The following FAT1 variants were observed in gnomAD, a reference collection of about 807,000 sequenced individuals.
FAT1 encodes protocadherin Fat 1.
FAT1 carries 171 observed loss-of-function variants against 329.8 expected under a neutral mutation model. The ratio of observed to expected loss-of-function variants is 0.52; its 90% CI spans 0.46 to 0.59. FAT1 has a LOEUF of 0.59. Ranked by LOEUF, FAT1 falls within the 20% of genes least tolerant of loss-of-function variation. FAT1 has a pLI of 0.00. For missense variants in FAT1, 5,672 were observed against 5,774.4 expected, an observed-to-expected ratio of 0.98 and a Z score of 0.57; for synonymous variants, 2,233 against 2,228.6, an observed-to-expected ratio of 1.00 and a Z score of -0.06.
intron 1 of FAT1, among the ~76,000 whole-genome samples, chr4:186,719,511 G>C (rs72716291): frequency 2.0e-3 from 305 of 152,246 alleles, no homozygotes; most frequent in South Asian, 7.7e-3. Context: ...CAAAATAACA[G>C]CTCTTCCAGT....
chr4:186,638,620 C>CACACACACACAA (rs1209269541), intron 4 of FAT1, among the ~76,000 whole-genome samples: 9 of 94,196 alleles, frequency 9.6e-5, no homozygotes, highest in Non-Finnish European at 2.1e-4. Flanking sequence ...CCAATGCACA[C>CACACACACACAA]ACACACACAC....
Position 186,619,442 on chromosome 4 carries a change from C to T in FAT1, c.7144G>A (p.Asp2382Asn), listed in dbSNP as rs374821045. The change falls in exon 10 of 27, where the codon GAC (aspartate) becomes AAC (asparagine). Residue 2382 changes from aspartate to asparagine, a missense_variant. Around this residue, in one of 2 missense-constraint regions of FAT1, gnomAD observed 3,966 missense variants for 3,915.2 expected, o/e 1.01. Coordinates refer to ENST00000441802, the MANE Select transcript of FAT1 (RefSeq NM_005245.4). ...AAGAGTGGTGGATTATCATTGAGGTCGGTAACGTCCACCGTGACAATCACA... is the reference window on the plus strand; with the variant it reads ...AAGAGTGGTGGATTATCATTGAGGTTGGTAACGTCCACCGTGACAATCACA... ...SDVIVTVDVT[D>N]LNDNPPLFEQ... 19 of 1,613,792 alleles carry T rather than the reference C, an allele frequency of 1.2e-5. No homozygotes were observed. The highest frequency in any genetic ancestry group is 2.2e-5 in the East Asian group (1 of 44,886).
chr4:186,629,094 A>C (rs965823798), intron 7 of FAT1, among the ~76,000 whole-genome samples: 3 of 152,176 alleles, frequency 2.0e-5, no homozygotes, highest in Admixed American at 6.5e-5. Flanking sequence ...TAGGTCACTC[A>C]TGTACGGATA....
chr4:186,623,630 T>C (rs981205254), intron 9 of FAT1, among the ~76,000 whole-genome samples: 8 of 152,212 alleles, frequency 5.3e-5, no homozygotes, highest in Admixed American at 5.2e-4. Flanking sequence ...AGGAGGCTGG[T>C]GCTGCTAGAA....
At chr4:186,659,607 C>G (rs1742070775) in intron 3 of FAT1, among the ~76,000 whole-genome samples, 1 of 151,648 alleles carries the variant, frequency 6.6e-6, no homozygotes, top group Non-Finnish European at 1.5e-5. Context: ...TCTACACACA[C>G]AAGCCCGCTG....
chr4:186,698,662 A>AG (rs1157206679), intron 2 of FAT1, among the ~76,000 whole-genome samples: 1 of 152,220 alleles, frequency 6.6e-6, no homozygotes. Context: ...TGCACAGGGC[A>AG]GGGGCTGAGG....
chr4:186,633,635 C>A (rs114340692), intron 7 of FAT1, 49 bp downstream of exon 7: 2 of 1,609,320 alleles, frequency 1.2e-6, no homozygotes, highest in Non-Finnish European at 8.5e-7. Context: ...TAAGTCAGAA[C>A]GTTATCTCCA....
chr4:186,600,515 T>C (rs949427065), intron 21 of FAT1, among the ~76,000 whole-genome samples, 155 bp from the exon 22 acceptor site: 1 of 152,232 alleles, frequency 6.6e-6, no homozygotes, highest in Non-Finnish European at 1.5e-5. Context: ...GTCCACTGTA[T>C]AAATCATTAA....
At position 186,603,847 on chromosome 4, in the gene FAT1, G is replaced by A. The variant is rs2126434196; in HGVS notation, c.10679C>T (p.Ser3560Leu). Residue 3560 changes from serine to leucine, a missense_variant, in exon 19 of 27, where the codon TCA (serine) becomes TTA (leucine). Physicochemically the swap from Ser to Leu is moderately radical, Grantham distance 145 (BLOSUM62 -2). Transcript: ENST00000441802. ...ATGGATCTTCCCAATGACGCCACCT[G>A]AGTATTCTTCTCCAGAAGAGGTGAT... The part of the protein sequence containing the change: ...IFITSSGEEY[S>L]GGVIGKIHAT... 6.2e-7 allele frequency: 1 copy of A among 1,613,912 alleles called. No individual in the cohort carries two copies. Among genetic ancestry groups the A allele is most frequent in the Non-Finnish European group, 8.5e-7 (1 of 1,179,874 alleles).
chr4:186,629,215 C>A (rs925203725), intron 7 of FAT1, among the ~76,000 whole-genome samples: 5 of 152,132 alleles, frequency 3.3e-5, no homozygotes, highest in Non-Finnish European at 7.4e-5. Flanking sequence ...TTCTCATTCT[C>A]ATCTTTGACA....
Position 186,628,343 on chromosome 4 carries a change from C to T in FAT1, c.4621G>A (p.Val1541Ile), listed in dbSNP as rs896009533. The change falls in exon 9 of 27, where the codon GTA becomes ATA. Residue 1541 changes from valine (V) to isoleucine (I), a missense_variant. Around this residue, in one of 2 missense-constraint regions of FAT1, gnomAD observed 3,966 missense variants for 3,915.2 expected, o/e 1.01. Coordinates refer to ENST00000441802, the MANE Select transcript of FAT1 (RefSeq NM_005245.4). ...TVMVRDQDVP[V>I]KRNFARIVVN... ...ACAATCCTTGCAAAGTTGCGTTTTACAGGCACATCTTGATCTCGTACCTAA... is the reference window on the plus strand; with the variant it reads ...ACAATCCTTGCAAAGTTGCGTTTTATAGGCACATCTTGATCTCGTACCTAA... The T allele has an allele frequency of 6.2e-7, 1 of 1,613,014 alleles. No homozygotes were observed. The highest frequency in any genetic ancestry group is 2.2e-5 in the East Asian group (1 of 44,858).
chr4:186,683,128 A>C (rs1221050036), intron 2 of FAT1, among the ~76,000 whole-genome samples: 1 of 152,154 alleles, frequency 6.6e-6, no homozygotes. Flanking sequence ...CTCTGATTAA[A>C]AATTGTCTTC....
At chr4:186,597,867 C>T (rs1738608674) in intron 23 of FAT1, 75 bp from the exon 24 acceptor site, 3 of 1,566,750 alleles carry the variant, frequency 1.9e-6, no homozygotes, top group Non-Finnish European at 2.6e-6. Flanking sequence ...GAAAGCAAAA[C>T]AGAACACATT....
In FAT1 at chr4:186,588,410, T is replaced by G. The variant is rs1292033139; in HGVS notation, c.*182A>C. ...GGAAATGGCACAGCCGATGAAAACC[T>G]CACGATGACAGTAGTTGGGACACTG... On this transcript the variant is annotated 3_prime_UTR_variant, in exon 27 of 27. Coordinates refer to ENST00000441802, the MANE Select transcript of FAT1 (RefSeq NM_005245.4). The G allele has an allele frequency of 4.6e-6, 3 of 653,374 alleles. No individual in the cohort carries two copies. Among genetic ancestry groups the G allele is most frequent in the Non-Finnish European group, 7.5e-6 (3 of 402,060 alleles). 40.5% of individuals were successfully genotyped at this position (653,374 alleles called of 1,614,324 possible).
rs377330173 is a variant in FAT1, at chr4:186,708,196, G to A, written c.1632C>T (p.Gly544=). 1.2e-6 allele frequency: 2 copies of A among 1,613,990 alleles called. No individual in the cohort carries two copies. The highest frequency in any genetic ancestry group is 1.1e-5 in the South Asian group (1 of 91,084). Reference sequence around the variant, plus strand: ...CTTCGACTTCCCGGCGGTACGGCAAGCCCCAGTCTGATGCACGAATCCTCA... The same window carrying A: ...CTTCGACTTCCCGGCGGTACGGCAAACCCCAGTCTGATGCACGAATCCTCA... The part of the protein sequence containing the change: ...YTLRIRASDW[G]LPYRREVEVL... Residue 544 remains glycine, a synonymous_variant, in exon 2 of 27, where the codon GGC becomes GGT. Coordinates refer to ENST00000441802, the MANE Select transcript of FAT1 (RefSeq NM_005245.4).
chr4:186,616,706 C>T lies in FAT1; in HGVS notation c.9075+299G>A, dbSNP rs148835078. 1.3e-3 allele frequency among the ~76,000 whole-genome samples: 197 copies of T among 152,316 alleles called. 10 individuals are homozygous for T. In the East Asian group the frequency reaches 0.034, roughly 26 times the overall value. ...CCGTCAGATCCTTCCCCCAAAACAGCTGTATCCCCATATTAAGAGAATCCC... is the reference window on the plus strand; with the variant it reads ...CCGTCAGATCCTTCCCCCAAAACAGTTGTATCCCCATATTAAGAGAATCCC... On this transcript the variant is annotated intron_variant, in intron 11 of 26. Transcript: ENST00000441802.
At position 186,619,200 on chromosome 4, in the gene FAT1, A is replaced by G. The variant is rs1270319298; in HGVS notation, c.7386T>C (p.Ser2462=). 6.2e-7 allele frequency: 1 copy of G among 1,613,978 alleles called. No homozygotes were observed. ...LHRHALKPFY[S]LNLSVSDGVF... is the part of the protein sequence containing the mutation. ...CTCCATCAGACACTGACAGGTTAAG[A>G]CTGTAAAATGGCTTCAGGGCGTGCC... is the stretch of plus-strand genomic sequence containing the variant. The change falls in exon 10 of 27, where the codon AGT becomes AGC. Residue 2462 remains serine, a synonymous_variant. Coordinates refer to ENST00000441802, the MANE Select transcript of FAT1 (RefSeq NM_005245.4).
At chr4:186,689,393 AT>A (rs1022633614) in intron 2 of FAT1, among the ~76,000 whole-genome samples, 6 of 152,070 alleles carry the variant, frequency 3.9e-5, no homozygotes, top group East Asian at 1.9e-4. Flanking sequence ...ATCACTGGAC[AT>A]TTTTTTTCTT....
Position 186,618,616 on chromosome 4 carries a change from G to T in FAT1, c.7970C>A (p.Thr2657Lys), listed in dbSNP as rs2126497223. Residue 2657 changes from threonine to lysine, a missense_variant, in exon 10 of 27, where the codon ACA becomes AAA. Thr to Lys is a moderately conservative substitution (Grantham distance 78). Coordinates refer to ENST00000441802, the MANE Select transcript of FAT1 (RefSeq NM_005245.4). ...EINKLSGVIT[T>K]KESLIGLENE... ...TTCCAAGCCAATGAGGCTCTCCTTT[G>T]TAGTGATTACGCCGGACAGTTTGTT... 1 of 1,614,068 alleles carries T rather than the reference G, an allele frequency of 6.2e-7. No homozygotes were observed. The highest frequency in any genetic ancestry group is 8.5e-7 in the Non-Finnish European group (1 of 1,179,894).
Sources: gnomAD v4.1 joint callset for allele counts (sites outside exome capture counted in the v4.1 genomes callset) on GRCh38, gnomAD v4.1.1 for gene constraint, gnomAD v4.1.1 regional missense constraint, MANE v1.5 for transcripts, NCBI Gene and HGNC (gene_info 2026-07-23, HGNC 2026-07-21) for gene names.